MAGI2: variants seen among roughly 807,000 people sequenced by gnomAD.
The protein encoded by MAGI2 is membrane associated guanylate kinase, WW and PDZ domain containing 2, also known as membrane-associated guanylate kinase, WW and PDZ domain-containing protein 2.
Under a neutral mutation model 133.3 loss-of-function variants are expected in MAGI2, and 35 were observed. The observed-to-expected ratio is 0.26, with a 90% CI of 0.20 to 0.35. The LOEUF is 0.35. Ranked by LOEUF, MAGI2 falls within the 10% of genes least tolerant of loss-of-function variation. MAGI2 has a pLI of 1.00. For missense variants in MAGI2, 1,636 were observed against 1,863.4 expected (o/e 0.88, Z 2.25); for synonymous variants, 729 against 710.6 (o/e 1.03, Z -0.41).
chr7:78,019,951 G>C lies in MAGI2; in HGVS notation c.3732C>G (p.Pro1244=). ...CCGGCAGACCTGGGGCGGCGGCAGC[G>C]GGAGAACTCCAGGGGGCGGGTTCGT... ...EYDEPAPWSS[P]AAAAPGLPEV... Residue 1244 remains proline, a synonymous_variant, in exon 22 of 22, where the codon CCC becomes CCG. Transcript: ENST00000354212. 2.5e-6 allele frequency: 4 copies of C among 1,607,988 alleles called. No homozygotes were observed. The highest frequency in any genetic ancestry group is 1.1e-5 in the South Asian group (1 of 90,010).
chr7:78,523,907 C>G (rs2150593988), intron 3 of MAGI2, among the ~76,000 whole-genome samples: 1 of 152,174 alleles, frequency 6.6e-6, no homozygotes, highest in Middle Eastern at 3.4e-3. Context: ...AACAAAGGAG[C>G]CCACTCCAGA....
intron 3 of MAGI2, among the ~76,000 whole-genome samples, chr7:78,586,644 T>C (rs920160525): frequency 6.6e-6 from 1 of 152,148 alleles, no homozygotes; most frequent in African/African-American, 2.4e-5. Flanking sequence ...TACACTCCCA[T>C]TGTTGTGCAA....
At chr7:79,177,652 T>C (rs1172255646) in intron 1 of MAGI2, among the ~76,000 whole-genome samples, 1 of 152,056 alleles carries the variant, frequency 6.6e-6, no homozygotes, top group African/African-American at 2.4e-5. Flanking sequence ...ATCAAAATGA[T>C]GATAATAATA....
intron 1 of MAGI2, among the ~76,000 whole-genome samples, chr7:79,375,536 G>T (rs945919513): frequency 6.6e-6 from 1 of 151,804 alleles, no homozygotes; most frequent in Non-Finnish European, 1.5e-5. Context: ...TAATAACAAG[G>T]CCCAAATATA....
intron 3 of MAGI2, among the ~76,000 whole-genome samples, chr7:78,573,043 A>G (rs1401006656): frequency 0.013 from 640 of 50,204 alleles, 12 homozygotes; most frequent in Non-Finnish European, 0.016. Context: ...ATGTATATAT[A>G]TATATATATA....
intron 1 of MAGI2, among the ~76,000 whole-genome samples, chr7:79,255,558 A>T (rs1244851230): frequency 6.6e-6 from 1 of 152,226 alleles, no homozygotes; most frequent in Non-Finnish European, 1.5e-5. Flanking sequence ...AATTCGCACA[A>T]TGAGAAAAAG....
chr7:79,057,025 ATTG>A (rs1361630999), intron 1 of MAGI2, among the ~76,000 whole-genome samples: 2 of 152,154 alleles, frequency 1.3e-5, no homozygotes, highest in East Asian at 1.9e-4. Context: ...TGGGGTCAGT[ATTG>A]TTGTTGTTTT....
At chr7:78,468,688 G>A (rs1166794532) in intron 6 of MAGI2, among the ~76,000 whole-genome samples, 1 of 151,996 alleles carries the variant, frequency 6.6e-6, no homozygotes, top group Non-Finnish European at 1.5e-5. Flanking sequence ...CATGTCCATG[G>A]AAATATATAG....
intron 1 of MAGI2, among the ~76,000 whole-genome samples, chr7:79,292,769 G>GAAAAA (rs1836596082): frequency 8.0e-4 from 9 of 11,270 alleles, no homozygotes; most frequent in Non-Finnish European, 1.6e-3. Flanking sequence ...GTCAATTTCT[G>GAAAAA]CAAAAAAAAA....
chr7:78,908,073 G>C (rs1245816573), intron 2 of MAGI2, among the ~76,000 whole-genome samples: 1 of 152,128 alleles, frequency 6.6e-6, no homozygotes, highest in Non-Finnish European at 1.5e-5. Context: ...AGTAAGTTAG[G>C]GGGGAAATGT....
chr7:78,576,455 A>G (rs1035817300), intron 3 of MAGI2, among the ~76,000 whole-genome samples: 3 of 152,138 alleles, frequency 2.0e-5, no homozygotes, highest in African/African-American at 7.2e-5. Flanking sequence ...TTCTCCCACA[A>G]GGCATGTCAT....
intron 2 of MAGI2, among the ~76,000 whole-genome samples, chr7:79,005,493 T>C (rs1807341518): frequency 6.6e-6 from 1 of 152,192 alleles, no homozygotes; most frequent in Admixed American, 6.5e-5. Context: ...ATTTAAGAAG[T>C]TAATTAACTA....
chr7:78,571,050 G>C (rs1801445026), intron 3 of MAGI2, among the ~76,000 whole-genome samples: 1 of 152,130 alleles, frequency 6.6e-6, no homozygotes, highest in Admixed American at 6.5e-5. Flanking sequence ...TTCATCTATA[G>C]GCTGGCTTTA....
At chr7:78,892,495 G>A (rs553517580) in intron 2 of MAGI2, among the ~76,000 whole-genome samples, 2 of 152,136 alleles carry the variant, frequency 1.3e-5, no homozygotes, top group South Asian at 2.1e-4. Flanking sequence ...CAAGGCTACA[G>A]TAACCAAAAC....
intron 9 of MAGI2, among the ~76,000 whole-genome samples, chr7:78,266,814 C>T (rs568846099): frequency 1.3e-4 from 20 of 151,490 alleles, no homozygotes; most frequent in Non-Finnish European, 1.8e-4. Flanking sequence ...CCTCGTGATC[C>T]GCCCACCTTG....
Position 78,794,043 on chromosome 7 carries a change from G to GA in MAGI2, c.419-166805dup, listed in dbSNP as rs1448525983. Reference sequence around the variant, plus strand: ...AAGTGACTAGATGGTACTTGCATCTGAAAAATCACTAAGTACTGGATAATA... The same window carrying GA: ...AAGTGACTAGATGGTACTTGCATCTGAAAAAATCACTAAGTACTGGATAATA... On this transcript the variant is annotated intron_variant, in intron 2 of 21. Transcript: ENST00000354212. Among the ~76,000 whole-genome samples the GA allele has an allele frequency of 3.9e-5, 6 of 152,312 alleles. No homozygotes were observed. In the South Asian group the frequency reaches 1.0e-3, roughly 26 times the overall value.
intron 2 of MAGI2, among the ~76,000 whole-genome samples, chr7:78,992,582 C>A (rs1805896665): frequency 6.6e-6 from 1 of 151,826 alleles, no homozygotes; most frequent in South Asian, 2.1e-4. Context: ...TATTTGGATA[C>A]CTAAAATAAA....
chr7:78,730,466 T>A (rs1821265276), intron 2 of MAGI2, among the ~76,000 whole-genome samples: 2 of 151,772 alleles, frequency 1.3e-5, no homozygotes, highest in South Asian at 4.2e-4. Context: ...CAGTAGGCTT[T>A]ATAGAAGGAT....
chr7:78,695,790 C>T (rs934015804), intron 2 of MAGI2, among the ~76,000 whole-genome samples: 13 of 152,128 alleles, frequency 8.5e-5, no homozygotes, highest in Admixed American at 4.6e-4. Flanking sequence ...TTTTTTAGAG[C>T]TAAGAAGCAA....
Sources: gnomAD v4.1 joint callset for allele counts (sites outside exome capture counted in the v4.1 genomes callset) on GRCh38, gnomAD v4.1.1 for gene constraint, MANE v1.5 for transcripts, NCBI Gene and HGNC (gene_info 2026-07-23, HGNC 2026-07-21) for gene names.